MYO1B: variants seen among roughly 807,000 people sequenced by gnomAD.
MYO1B encodes unconventional myosin-Ib.
MYO1B carries 72 observed loss-of-function variants against 159.7 expected under a neutral mutation model. The ratio of observed to expected loss-of-function variants is 0.45; its 90% CI spans 0.37 to 0.55. The LOEUF is 0.55. Ranked by LOEUF, MYO1B falls within the 20% of genes least tolerant of loss-of-function variation. MYO1B has a pLI of 0.00. For synonymous variants in MYO1B, 468 were observed against 473.8 expected, an observed-to-expected ratio of 0.99 and a Z score of 0.16; for missense variants, 1,062 against 1,364.8, an observed-to-expected ratio of 0.78 and a Z score of 3.50.
At chr2:191,324,943 A>T (rs1690956294) in intron 3 of MYO1B, among the ~76,000 whole-genome samples, 1 of 152,182 alleles carries the variant, frequency 6.6e-6, no homozygotes, top group Non-Finnish European at 1.5e-5. Flanking sequence ...TAAGAATATG[A>T]GACAATTATA....
intron 1 of MYO1B, among the ~76,000 whole-genome samples, chr2:191,265,530 C>T (rs1230967465): frequency 1.3e-5 from 2 of 152,094 alleles, no homozygotes; most frequent in Non-Finnish European, 2.9e-5. Context: ...CCTCTGGTGG[C>T]TATATTCAAT....
At chr2:191,419,727 C>A in intron 30 of MYO1B, among the ~76,000 whole-genome samples, 1 of 151,746 alleles carries the variant, frequency 6.6e-6, no homozygotes. Flanking sequence ...TGCTCCTGAC[C>A]CTGTGTAGGC....
Position 191,390,364 on chromosome 2 carries a change from C to T in MYO1B, c.1854C>T (p.Tyr618=). ...CTCTAGTGTGTCATCAGATCAGGTA[C>T]CTGGGGCTTTTGGAGAACGTCCGAG... ...NEALVCHQIR[Y]LGLLENVRVR... is the part of the protein sequence containing the mutation. The change falls in exon 18 of 31, where the codon TAC becomes TAT. Residue 618 remains tyrosine, a synonymous_variant. Transcript: ENST00000392318. 6.2e-7 allele frequency: 1 copy of T among 1,614,226 alleles called. No individual in the cohort carries two copies. The highest frequency in any genetic ancestry group is 8.5e-7 in the Non-Finnish European group (1 of 1,180,044).
chr2:191,267,084 C>T (rs1047415453), intron 1 of MYO1B, among the ~76,000 whole-genome samples: 2 of 152,120 alleles, frequency 1.3e-5, no homozygotes, highest in Admixed American at 6.5e-5. Context: ...TTGGTGGTGC[C>T]TGTCCCTCTC....
chr2:191,405,554 G>A (rs1171489032), intron 24 of MYO1B, among the ~76,000 whole-genome samples: 1 of 152,178 alleles, frequency 6.6e-6, no homozygotes, highest in East Asian at 1.9e-4. Flanking sequence ...TAAATCATAA[G>A]ACTGGGAATT....
intron 1 of MYO1B, among the ~76,000 whole-genome samples, chr2:191,248,316 C>T (rs181062753): frequency 7.2e-5 from 11 of 152,266 alleles, no homozygotes; most frequent in East Asian, 3.9e-4. Context: ...CCCCTTACAC[C>T]GTACAGATGC....
chr2:191,374,443 TA>T lies in MYO1B; in HGVS notation c.1185+4158del, dbSNP rs571650731. 3.3e-5 allele frequency among the ~76,000 whole-genome samples: 5 copies of T among 152,174 alleles called. No homozygotes were observed. The East Asian group carries it at 9.6e-4, about 29-fold the overall frequency. On this transcript the variant is annotated intron_variant, in intron 13 of 30. Transcript: ENST00000392318. ...TGGACACTAAAGGGCGAGACTTTTT[TA>T]AAAAAATGCGTCTAGTTGTCCCATG...
At chr2:191,289,004 C>G (rs1426809132) in intron 2 of MYO1B, among the ~76,000 whole-genome samples, 1 of 152,166 alleles carries the variant, frequency 6.6e-6, no homozygotes, top group East Asian at 1.9e-4. Flanking sequence ...TAAATATTGC[C>G]TTTTACATCA....
intron 2 of MYO1B, among the ~76,000 whole-genome samples, chr2:191,282,190 C>G (rs1688101538): frequency 6.6e-6 from 1 of 152,180 alleles, no homozygotes; most frequent in Non-Finnish European, 1.5e-5. Flanking sequence ...TAGTAGTTTT[C>G]TCTTGCTACA....
At chr2:191,275,603 C>G (rs1687703591) in intron 1 of MYO1B, among the ~76,000 whole-genome samples, 1 of 152,140 alleles carries the variant, frequency 6.6e-6, no homozygotes, top group Admixed American at 6.5e-5. Context: ...GGACACCAAC[C>G]TTTATAAGAC....
chr2:191,270,270 C>G (rs948077142), intron 1 of MYO1B, among the ~76,000 whole-genome samples: 1 of 152,160 alleles, frequency 6.6e-6, no homozygotes, highest in Non-Finnish European at 1.5e-5. Flanking sequence ...AGGATTTAGA[C>G]CGAAGCATAA....
intron 4 of MYO1B, 27 bp downstream of exon 4, chr2:191,330,056 A>G (rs987004739): frequency 1.0e-5 from 16 of 1,595,976 alleles, no homozygotes; most frequent in African/African-American, 1.3e-5. Context: ...GCAACTCTGC[A>G]GAAGGTAAAT....
rs10646926 is a variant in MYO1B, at chr2:191,344,829, C to CAAAAAAAAAAA, written c.452-1395_452-1385dup. The stretch of plus-strand genomic sequence containing the variant: ...TGGGCGACAGAGCGAGACTCCGTCT[C>CAAAAAAAAAAA]AAAAAAAAAAAAAAAAAAAAAAGAA... On this transcript the variant is annotated intron_variant, in intron 5 of 30. Transcript: ENST00000392318. Among the ~76,000 whole-genome samples the CAAAAAAAAAAA allele has an allele frequency of 8.9e-5, 5 of 56,158 alleles. No homozygotes were observed. In the East Asian group the frequency reaches 1.9e-3, roughly 21 times the overall value. 36.8% of individuals were successfully genotyped at this position (56,158 alleles called of 152,430 possible).
chr2:191,308,205 C>T (rs1689771049), intron 3 of MYO1B, among the ~76,000 whole-genome samples: 1 of 152,136 alleles, frequency 6.6e-6, no homozygotes, highest in South Asian at 2.1e-4. Context: ...ACAAGATACT[C>T]CTGTTACCCA....
chr2:191,388,007 G>T (rs1695496317), intron 17 of MYO1B: 1 of 160,132 alleles, frequency 6.2e-6, no homozygotes, highest in African/African-American at 2.4e-5. Flanking sequence ...AAAAGGGCTG[G>T]GCGTGGTGGC....
At chr2:191,388,149 T>A (rs1695509185) in intron 17 of MYO1B, 1 of 152,218 alleles carries the variant, frequency 6.6e-6, no homozygotes. Context: ...CTGGGCGTGG[T>A]GGCAGGAACC....
intron 1 of MYO1B, among the ~76,000 whole-genome samples, chr2:191,253,356 T>C (rs1283830090): frequency 5.3e-5 from 8 of 152,222 alleles, no homozygotes; most frequent in Admixed American, 5.2e-4. Context: ...CCTGGCTTCC[T>C]GTGGGAATGT....
At chr2:191,390,552 G>GT in intron 18 of MYO1B, 60 bp downstream of exon 18, 6 of 1,518,454 alleles carry the variant, frequency 4.0e-6, no homozygotes, top group Non-Finnish European at 5.3e-6. Context: ...ATAATACGGT[G>GT]TTTTTTCACA....
intron 24 of MYO1B, among the ~76,000 whole-genome samples, chr2:191,406,788 G>A (rs777571957): frequency 2.0e-5 from 3 of 152,228 alleles, no homozygotes; most frequent in Non-Finnish European, 4.4e-5. Context: ...ATGCAGGGTT[G>A]CCACAAACCT....
Sources: allele counts gnomAD v4.1 joint callset (sites outside exome capture counted in the v4.1 genomes callset), GRCh38; gene constraint gnomAD v4.1.1; transcripts MANE v1.5; gene names NCBI Gene and HGNC (gene_info 2026-07-23, HGNC 2026-07-21).